The following LACC1 variants were observed in gnomAD, a reference collection of about 807,000 sequenced individuals.
The protein encoded by LACC1 is laccase domain multifunctional purine nucleosidase 1.
Under a neutral mutation model 34.8 loss-of-function variants are expected in LACC1, and 25 were observed. That is an observed-to-expected ratio of 0.72 (90% CI 0.52 to 1.00). LACC1 has a LOEUF of 1.00. LACC1 is among the 50% of genes least tolerant of loss of function. The pLI is 0.00. For missense variants in LACC1, 426 were observed against 511.2 expected (o/e 0.83, Z 1.61); for synonymous variants, 162 against 168.0 (o/e 0.96, Z 0.28).
chr13:43,885,533 C>T (rs1340347628), intron 4 of LACC1, among the ~76,000 whole-genome samples: 3 of 152,126 alleles, frequency 2.0e-5, no homozygotes, highest in Non-Finnish European at 2.9e-5. Flanking sequence ...ATAAATGGTG[C>T]TGGCATAACT....
chr13:43,882,393 C>G (rs964046888), intron 3 of LACC1, 30 bp downstream of exon 3: 2 of 1,550,920 alleles, frequency 1.3e-6, no homozygotes, highest in African/African-American at 2.8e-5. Context: ...TTTGAAAGAT[C>G]TAAAGTATAT....
chr13:43,887,247 A>G (rs1375879315), intron 4 of LACC1, among the ~76,000 whole-genome samples: 1 of 152,148 alleles, frequency 6.6e-6, no homozygotes, highest in Non-Finnish European at 1.5e-5. Flanking sequence ...TTACCTGTAG[A>G]GGCTGAACCT....
Position 43,881,521 on chromosome 13 carries a change from C to A in LACC1, c.536C>A (p.Thr179Asn). 2 of 1,605,400 alleles carry A rather than the reference C, an allele frequency of 1.2e-6. No individual in the cohort carries two copies. Among genetic ancestry groups the A allele is most frequent in the African/African-American group, 1.3e-5 (1 of 74,354 alleles). ...CTGCCAGCACTGAGAGGAAAATTAA[C>A]TATTATCACTTCTTCTTTGATCCCA... ...RSLPALRGKL[T>N]IITSSLIPDI... is the part of the protein sequence containing the mutation. Residue 179 changes from threonine (T) to asparagine (N), a missense_variant, in exon 2 of 7, where the codon ACT becomes AAT. Coordinates refer to ENST00000325686, the MANE Select transcript of LACC1 (RefSeq NM_153218.4).
chr13:43,882,564 G>T (rs370018590), intron 3 of LACC1, among the ~76,000 whole-genome samples: 4 of 139,116 alleles, frequency 2.9e-5, no homozygotes, highest in Non-Finnish European at 3.1e-5. Context: ...CACACGTGCA[G>T]ATATATATAT....
intron 4 of LACC1, among the ~76,000 whole-genome samples, chr13:43,885,993 A>T (rs1024617766): frequency 6.6e-6 from 1 of 152,220 alleles, no homozygotes; most frequent in Non-Finnish European, 1.5e-5. Context: ...GTCAACAAGC[A>T]TATGAAAAAA....
rs1955626062 is a variant in LACC1 at position 43,893,167 on chromosome 13, T to G, written c.*1720T>G. ...TTATTTAATACATATATTTCCTACA[T>G]GTATATGTGGTAGCATGATAGCAAA... On this transcript the variant is annotated 3_prime_UTR_variant, in exon 7 of 7. Coordinates refer to ENST00000325686, the MANE Select transcript of LACC1 (RefSeq NM_153218.4). 1 of 152,158 alleles carries G rather than the reference T, an allele frequency of 6.6e-6. No homozygotes were observed. The highest frequency in any genetic ancestry group is 2.4e-5 in the African/African-American group (1 of 41,464). 9.4% of individuals were successfully genotyped at this position (152,158 alleles called of 1,614,324 possible).
chr13:43,886,702 A>G (rs1277565019), intron 4 of LACC1, among the ~76,000 whole-genome samples: 1 of 152,216 alleles, frequency 6.6e-6, no homozygotes, highest in Non-Finnish European at 1.5e-5. Context: ...CCCCAGTGAC[A>G]TGCAATTTAC....
intron 4 of LACC1, among the ~76,000 whole-genome samples, chr13:43,885,559 G>A (rs2138323665): frequency 6.6e-6 from 1 of 152,222 alleles, no homozygotes; most frequent in Non-Finnish European, 1.5e-5. Flanking sequence ...GCCATATGTA[G>A]GAAATTGATA....
intron 4 of LACC1, among the ~76,000 whole-genome samples, chr13:43,885,676 C>A (rs1955285135): frequency 1.3e-5 from 2 of 151,940 alleles, no homozygotes; most frequent in Non-Finnish European, 2.9e-5. Context: ...CTAGGAAATG[C>A]CATTCTGGAC....
intron 4 of LACC1, among the ~76,000 whole-genome samples, 172 bp from the exon 5 acceptor site, chr13:43,888,585 A>G (rs1283599228): frequency 6.6e-6 from 1 of 152,172 alleles, no homozygotes; most frequent in African/African-American, 2.4e-5. Context: ...CTTCTGTGTC[A>G]GGTGCTTTGT....
Position 43,880,964 on chromosome 13 carries a change from G to A in LACC1, c.-22G>A. ...TTTTTATTTGCAGGTGATTTATTTG[G>A]CATAAAAGTATTCTTTCAAGGATGG... On this transcript the variant is annotated 5_prime_UTR_variant, in exon 2 of 7. Transcript: ENST00000325686. 2 of 1,573,036 alleles carry A rather than the reference G, an allele frequency of 1.3e-6. No individual in the cohort carries two copies. Among genetic ancestry groups the A allele is most frequent in the Non-Finnish European group, 1.7e-6 (2 of 1,153,566 alleles).
intron 1 of LACC1, among the ~76,000 whole-genome samples, chr13:43,880,403 T>C (rs1053984063): frequency 6.6e-6 from 1 of 152,212 alleles, no homozygotes; most frequent in African/African-American, 2.4e-5. Context: ...AGAGGAAGCC[T>C]GTCTCATCCA....
intron 4 of LACC1, among the ~76,000 whole-genome samples, chr13:43,887,773 G>A (rs1463104466): frequency 6.6e-6 from 1 of 152,100 alleles, no homozygotes; most frequent in Admixed American, 6.6e-5. Flanking sequence ...CCATTAGGAT[G>A]GCTAATATTT....
Position 43,881,510 on chromosome 13 carries a change from A to C in LACC1, c.525A>C (p.Arg175Ser). The C allele has an allele frequency of 6.2e-7, 1 of 1,609,564 alleles. No individual in the cohort carries two copies. ...TTTTGAGAAGTCTGCCAGCACTGAG[A>C]GGAAAATTAACTATTATCACTTCTT... is the stretch of plus-strand genomic sequence containing the variant. ...ETFLRSLPAL[R>S]GKLTIITSSL... Residue 175 changes from arginine to serine, a missense_variant, in exon 2 of 7, where the codon AGA becomes AGC. By Grantham distance (110) the Arg-to-Ser change is moderately radical (BLOSUM62 -1). Coordinates refer to ENST00000325686, the MANE Select transcript of LACC1 (RefSeq NM_153218.4).
Position 43,884,277 on chromosome 13 carries a change from A to G in LACC1, c.907+341A>G, listed in dbSNP as rs550274118. Among the ~76,000 whole-genome samples the G allele has an allele frequency of 8.5e-5, 13 of 152,258 alleles. No individual in the cohort carries two copies. The South Asian group carries it at 2.7e-3, about 32-fold the overall frequency. On this transcript the variant is annotated intron_variant, in intron 4 of 6. Coordinates refer to ENST00000325686, the MANE Select transcript of LACC1 (RefSeq NM_153218.4). ...AGATTAAGTGTCTTTAGCCCCTGAA[A>G]TCCTTAATGACAGTAGCACCTCTAG...
At position 43,880,966 on chromosome 13, in the gene LACC1, A is replaced by T. The variant is rs376148081; in HGVS notation, c.-20A>T. The T allele has an allele frequency of 6.3e-7, 1 of 1,588,366 alleles. No homozygotes were observed. The highest frequency in any genetic ancestry group is 1.1e-5 in the South Asian group (1 of 88,224). ...TTTATTTGCAGGTGATTTATTTGGC[A>T]TAAAAGTATTCTTTCAAGGATGGCA... On this transcript the variant is annotated 5_prime_UTR_variant, in exon 2 of 7. Coordinates refer to ENST00000325686, the MANE Select transcript of LACC1 (RefSeq NM_153218.4).
chr13:43,884,517 T>A (rs1386635886), intron 4 of LACC1, among the ~76,000 whole-genome samples: 1 of 152,206 alleles, frequency 6.6e-6, no homozygotes. Context: ...AAAAGCAAGA[T>A]GTTTTGAAAA....
In LACC1 at chr13:43,881,227, G is replaced by C; in HGVS notation, c.242G>C (p.Cys81Ser). 1 of 1,614,152 alleles carries C rather than the reference G, an allele frequency of 6.2e-7. No homozygotes were observed. Among genetic ancestry groups the C allele is most frequent in the Non-Finnish European group, 8.5e-7 (1 of 1,180,014 alleles). The change falls in exon 2 of 7, where the codon TGT becomes TCT. Residue 81 changes from cysteine (C) to serine (S), a missense_variant. This residue lies in a region of LACC1 where 217 missense variants were observed against 210.9 expected (regional missense o/e 1.03). Coordinates refer to ENST00000325686, the MANE Select transcript of LACC1 (RefSeq NM_153218.4). ...ALLEEFEIVS[C>S]PSMAATLYTI... ...TTGGAAGAATTTGAGATTGTTAGCTGTCCCAGCATGGCTGCCACTTTGTAT... is the reference window on the plus strand; with the variant it reads ...TTGGAAGAATTTGAGATTGTTAGCTCTCCCAGCATGGCTGCCACTTTGTAT...
intron 3 of LACC1, among the ~76,000 whole-genome samples, chr13:43,883,475 A>G (rs9525864): frequency 0.059 from 9,060 of 152,314 alleles, 348 homozygotes; most frequent in Non-Finnish European, 0.087. Context: ...AAGTGCTATA[A>G]GAAATGATAT....
Sources: allele counts gnomAD v4.1 joint callset (sites outside exome capture counted in the v4.1 genomes callset), GRCh38; gene constraint gnomAD v4.1.1; regional missense constraint gnomAD v4.1.1; transcripts MANE v1.5; gene names NCBI Gene and HGNC (gene_info 2026-07-23, HGNC 2026-07-21).